CD38: variants seen among roughly 807,000 people sequenced by gnomAD.
The protein encoded by CD38 is ADP-ribosyl cyclase/cyclic ADP-ribose hydrolase 1.
CD38 carries 31 observed loss-of-function variants against 36.3 expected under a neutral mutation model. That is an observed-to-expected ratio of 0.85 (90% CI 0.64 to 1.15). The LOEUF is 1.15. CD38 is among the 50% of genes most tolerant of loss of function. The probability of loss-of-function intolerance (pLI) is 0.00; values close to 1 mark genes in which losing one functional copy is unlikely to be tolerated. For synonymous variants in CD38, 131 were observed against 135.2 expected, an observed-to-expected ratio of 0.97 and a Z score of 0.22; for missense variants, 380 against 371.9, an observed-to-expected ratio of 1.02 and a Z score of -0.18.
chr4:15,832,007 G>A (rs1049449377), intron 3 of CD38, among the ~76,000 whole-genome samples: 1 of 151,980 alleles, frequency 6.6e-6, no homozygotes, highest in South Asian at 2.1e-4. Flanking sequence ...TCCTCTGACT[G>A]TGTATTTTCA....
chr4:15,824,789 T>G, intron 2 of CD38, 92 bp from the exon 3 acceptor site: 1 of 982,672 alleles, frequency 1.0e-6, no homozygotes, highest in Non-Finnish European at 1.5e-6. Flanking sequence ...TTTGATATGC[T>G]CTGTTTTTTT....
intron 1 of CD38, among the ~76,000 whole-genome samples, chr4:15,800,266 CCT>C (rs1455315383): frequency 6.6e-6 from 1 of 151,758 alleles, no homozygotes; most frequent in Non-Finnish European, 1.5e-5. Context: ...TGTTTTTTTT[CCT>C]CTTTCTTTAA....
intron 2 of CD38, among the ~76,000 whole-genome samples, chr4:15,820,124 T>A (rs576268161): frequency 6.6e-6 from 1 of 152,212 alleles, no homozygotes; most frequent in African/African-American, 2.4e-5. Context: ...AAATAAAATC[T>A]TTTTCAGACA....
intron 1 of CD38, among the ~76,000 whole-genome samples, chr4:15,788,193 T>C (rs143795945): frequency 2.0e-5 from 3 of 152,342 alleles, no homozygotes; most frequent in African/African-American, 7.2e-5. Flanking sequence ...CTGGCACTCC[T>C]AGTACTGTGC....
chr4:15,791,109 G>A (rs1722973203), intron 1 of CD38, among the ~76,000 whole-genome samples: 8 of 122,130 alleles, frequency 6.6e-5, no homozygotes, highest in Admixed American at 1.5e-4. Context: ...TCCTCTGCCC[G>A]GCCGCCCCTA....
intron 2 of CD38, among the ~76,000 whole-genome samples, chr4:15,821,725 A>G (rs902578369): frequency 2.6e-4 from 39 of 151,170 alleles, no homozygotes; most frequent in African/African-American, 9.0e-4. Flanking sequence ...CCAGGATCAG[A>G]CAGATTTATA....
chr4:15,813,658 C>T lies in CD38; in HGVS notation c.234-2853C>T, dbSNP rs569495549. On this transcript the variant is annotated intron_variant, in intron 1 of 7. Coordinates refer to ENST00000226279, the MANE Select transcript of CD38 (RefSeq NM_001775.4). Reference sequence around the variant, plus strand: ...GTTCCCCTCCCTGTGTCCATGTGTTCTCACTGTTCAACTCTCACTTATGAG... The same window carrying T: ...GTTCCCCTCCCTGTGTCCATGTGTTTTCACTGTTCAACTCTCACTTATGAG... Among the ~76,000 whole-genome samples the T allele has an allele frequency of 4.5e-3, 691 of 152,188 alleles. 8 individuals are homozygous for T. Among genetic ancestry groups the T allele is most frequent in the African/African-American group, 0.016 (652 of 41,520 alleles).
intron 4 of CD38, among the ~76,000 whole-genome samples, chr4:15,835,757 C>A (rs954513438): frequency 2.0e-5 from 3 of 152,136 alleles, no homozygotes; most frequent in Non-Finnish European, 4.4e-5. Flanking sequence ...GGTGATCTAC[C>A]CACCTTGGCC....
intron 1 of CD38, among the ~76,000 whole-genome samples, chr4:15,811,650 A>G (rs1284251333): frequency 3.0e-5 from 4 of 131,608 alleles, no homozygotes; most frequent in African/African-American, 1.3e-4. Context: ...GTTACTGAGC[A>G]ATGTGCTTGC....
intron 1 of CD38, among the ~76,000 whole-genome samples, chr4:15,788,982 C>G (rs997671639): frequency 1.3e-5 from 2 of 152,124 alleles, no homozygotes; most frequent in African/African-American, 4.8e-5. Flanking sequence ...CATCTAACTT[C>G]ATAAGGTTCG....
rs7690854 is a variant in CD38, at chr4:15,789,151, A to C, written c.233+10504A>C. ...TCTTTTTGCCTTATTTCCACGTTTT[A>C]GGTATTTTTGTAAGATATCTATTCA... On this transcript the variant is annotated intron_variant, in intron 1 of 7. Coordinates refer to ENST00000226279, the MANE Select transcript of CD38 (RefSeq NM_001775.4). 5.9e-3 allele frequency among the ~76,000 whole-genome samples: 904 copies of C among 152,166 alleles called. 5 individuals are homozygous for C. The highest frequency in any genetic ancestry group is 0.018 in the African/African-American group (757 of 41,500).
At chr4:15,815,749 C>T (rs1179833044) in intron 1 of CD38, among the ~76,000 whole-genome samples, 1 of 152,040 alleles carries the variant, frequency 6.6e-6, no homozygotes, top group African/African-American at 2.4e-5. Flanking sequence ...TATGAGTACA[C>T]TTTATTTATT....
chr4:15,779,607 G>A (rs1407305771), intron 1 of CD38, among the ~76,000 whole-genome samples: 1 of 152,128 alleles, frequency 6.6e-6, no homozygotes, highest in Admixed American at 6.5e-5. Context: ...TCGCCTCTCC[G>A]AGCACACTCA....
chr4:15,786,140 G>A (rs1052707072), intron 1 of CD38, among the ~76,000 whole-genome samples: 1 of 152,230 alleles, frequency 6.6e-6, no homozygotes, highest in Admixed American at 6.5e-5. Flanking sequence ...GTGAGCAGCA[G>A]CAAGATTTAT....
intron 6 of CD38, 60 bp from the exon 7 acceptor site, chr4:15,840,388 CAAAG>C (rs1405424600): frequency 2.6e-6 from 3 of 1,132,422 alleles, no homozygotes; most frequent in Non-Finnish European, 3.9e-6. Context: ...GCTACAAAAA[CAAAG>C]AGACTCCAAA....
intron 3 of CD38, among the ~76,000 whole-genome samples, chr4:15,833,718 G>C (rs977724186): frequency 6.6e-6 from 1 of 152,226 alleles, no homozygotes; most frequent in Admixed American, 6.5e-5. Flanking sequence ...TTCATGCTCT[G>C]TGTCCATTGT....
rs778838666 is a variant in CD38 at position 15,816,656 on chromosome 4, C to G, written c.363+16C>G. The G allele has an allele frequency of 2.5e-6, 4 of 1,612,596 alleles. No individual in the cohort carries two copies. Among genetic ancestry groups the G allele is most frequent in the Non-Finnish European group, 3.4e-6 (4 of 1,179,142 alleles). ...TTGCAACAAGGTAATTGGGGGCATG[C>G]CATTGATTTTAAAACTGGGGATAAA... On this transcript the variant is annotated intron_variant, in intron 2 of 7. Transcript: ENST00000226279.
chr4:15,838,956 T>A (rs1226520031), intron 5 of CD38, among the ~76,000 whole-genome samples: 2 of 152,198 alleles, frequency 1.3e-5, no homozygotes, highest in Non-Finnish European at 2.9e-5. Context: ...CCTTGGCTGA[T>A]CTCCTTCTAT....
At chr4:15,839,764 A>T (rs1724161652) in intron 5 of CD38, among the ~76,000 whole-genome samples, 1 of 152,170 alleles carries the variant, frequency 6.6e-6, no homozygotes, top group Non-Finnish European at 1.5e-5. Flanking sequence ...GATGTTCATT[A>T]GGTTGGTCTA....
Sources: allele counts gnomAD v4.1 joint callset (sites outside exome capture counted in the v4.1 genomes callset), GRCh38; gene constraint gnomAD v4.1.1; transcripts MANE v1.5; gene names NCBI Gene and HGNC (gene_info 2026-07-23, HGNC 2026-07-21).